TMEM232: variants seen among roughly 807,000 people sequenced by gnomAD.
TMEM232 encodes transmembrane protein 232.
Under a neutral mutation model 78.8 loss-of-function variants are expected in TMEM232, and 80 were observed. The ratio of observed to expected loss-of-function variants is 1.01; its 90% CI spans 0.85 to 1.22. The LOEUF (loss-of-function observed/expected upper bound fraction) is 1.22, where lower values mean the gene tolerates loss of function less well. TMEM232 is among the 50% of genes most tolerant of loss of function. The probability of loss-of-function intolerance (pLI) is 0.00; values close to 1 mark genes in which losing one functional copy is unlikely to be tolerated. For missense variants in TMEM232, 881 were observed against 742.2 expected, an observed-to-expected ratio of 1.19 and a Z score of -2.17; for synonymous variants, 297 against 254.3, an observed-to-expected ratio of 1.17 and a Z score of -1.60.
chr5:110,532,366 C>A (rs1161171587), intron 11 of TMEM232, among the ~76,000 whole-genome samples: 2 of 151,488 alleles, frequency 1.3e-5, no homozygotes, highest in Admixed American at 1.3e-4. Context: ...GGATGCCGAG[C>A]TTCAGGTAAC....
chr5:110,588,453 C>T (rs1031138505), intron 10 of TMEM232, among the ~76,000 whole-genome samples: 2 of 152,010 alleles, frequency 1.3e-5, no homozygotes, highest in Admixed American at 1.3e-4. Context: ...TAATTATAAG[C>T]CATATGGAAA....
intron 4 of TMEM232, among the ~76,000 whole-genome samples, chr5:110,640,114 T>C (rs1406548410): frequency 1.3e-5 from 2 of 152,178 alleles, no homozygotes; most frequent in Admixed American, 6.5e-5. Context: ...AACAGCCTCT[T>C]CTTGCTGGTA....
intron 2 of TMEM232, among the ~76,000 whole-genome samples, chr5:110,398,885 A>G (rs911578619): frequency 2.0e-5 from 3 of 152,100 alleles, no homozygotes; most frequent in African/African-American, 7.2e-5. Context: ...GATAGGGGGC[A>G]AGATGGTTCT....
At chr5:110,487,670 G>T (rs973266520) in intron 12 of TMEM232, among the ~76,000 whole-genome samples, 1 of 152,058 alleles carries the variant, frequency 6.6e-6, no homozygotes, top group African/African-American at 2.4e-5. Flanking sequence ...ACTTGATGAT[G>T]GTGGATTATC....
chr5:110,719,509 T>A (rs539606320), intron 1 of TMEM232, among the ~76,000 whole-genome samples: 5 of 152,164 alleles, frequency 3.3e-5, no homozygotes, highest in African/African-American at 1.2e-4. Flanking sequence ...CTCCTGTATA[T>A]GAGTCACACT....
At chr5:110,696,725 A>G (rs1049464342) in intron 1 of TMEM232, among the ~76,000 whole-genome samples, 3 of 152,184 alleles carry the variant, frequency 2.0e-5, no homozygotes, top group Non-Finnish European at 2.9e-5. Flanking sequence ...TAAAATACCT[A>G]GGAATCCAAC....
chr5:110,669,587 T>C (rs1344967957), intron 1 of TMEM232, among the ~76,000 whole-genome samples: 3 of 152,284 alleles, frequency 2.0e-5, no homozygotes, highest in South Asian at 2.1e-4. Flanking sequence ...TCTGAAACTA[T>C]TCAAATCAAT....
intron 1 of TMEM232, among the ~76,000 whole-genome samples, chr5:110,704,436 C>T (rs1795724896): frequency 6.6e-6 from 1 of 152,080 alleles, no homozygotes; most frequent in Non-Finnish European, 1.5e-5. Context: ...AAGTAGATGA[C>T]ATCTGAGTAA....
intron 8 of TMEM232, among the ~76,000 whole-genome samples, chr5:110,618,201 A>T (rs1391851703): frequency 6.6e-6 from 1 of 152,130 alleles, no homozygotes; most frequent in African/African-American, 2.4e-5. Context: ...AAAAAAAACT[A>T]TGCAGTGTAT....
intron 2 of TMEM232, among the ~76,000 whole-genome samples, chr5:110,665,669 G>A (rs1282611540): frequency 6.6e-6 from 1 of 152,020 alleles, no homozygotes; most frequent in Non-Finnish European, 1.5e-5. Flanking sequence ...TTTGACACAT[G>A]GGGATTATAA....
At chr5:110,492,310 G>A (rs1765194139) in intron 12 of TMEM232, among the ~76,000 whole-genome samples, 2 of 151,788 alleles carry the variant, frequency 1.3e-5, no homozygotes, top group Admixed American at 6.6e-5. Context: ...AATGCAAAAT[G>A]TAACAAAACA....
intron 5 of TMEM232, among the ~76,000 whole-genome samples, chr5:110,630,566 ACTCT>A (rs1297021597): frequency 2.0e-5 from 3 of 150,176 alleles, no homozygotes; most frequent in South Asian, 2.1e-4. Context: ...TTCCCCTTTC[ACTCT>A]CTCTCTCCTT....
At chr5:110,645,130 G>C (rs1282629494) in intron 2 of TMEM232, among the ~76,000 whole-genome samples, 2 of 151,500 alleles carry the variant, frequency 1.3e-5, no homozygotes, top group African/African-American at 4.8e-5. Context: ...GTGGTTTCAT[G>C]GTTGAATTCA....
chr5:110,556,289 C>G (rs927256112), intron 11 of TMEM232, among the ~76,000 whole-genome samples: 4 of 151,692 alleles, frequency 2.6e-5, no homozygotes, highest in Admixed American at 2.0e-4. Context: ...TTCCTTCCTT[C>G]CCTTCCTTCT....
chr5:110,421,363 A>G (rs920921100), intron 13 of TMEM232, among the ~76,000 whole-genome samples: 2 of 151,900 alleles, frequency 1.3e-5, no homozygotes, highest in Non-Finnish European at 2.9e-5. Context: ...GGCAAGAGCC[A>G]TAAGAATGAG....
At chr5:110,684,614 TA>T (rs1793165180) in intron 1 of TMEM232, among the ~76,000 whole-genome samples, 1 of 152,178 alleles carries the variant, frequency 6.6e-6, no homozygotes, top group African/African-American at 2.4e-5. Flanking sequence ...GAGTTCGAGT[TA>T]TTCTTTTTAA....
downstream of TMEM232, among the ~76,000 whole-genome samples, chr5:110,417,143 T>G (rs1310107176): frequency 6.6e-6 from 1 of 152,202 alleles, no homozygotes; most frequent in Non-Finnish European, 1.5e-5. Flanking sequence ...CTTGAGTTTA[T>G]TCTTTCAAAA....
intron 12 of TMEM232, among the ~76,000 whole-genome samples, chr5:110,520,986 C>T (rs1769417524): frequency 6.6e-6 from 1 of 151,954 alleles, no homozygotes; most frequent in Non-Finnish European, 1.5e-5. Flanking sequence ...GTAGGGCTCA[C>T]TGGGGATTGC....
At position 110,624,626 on chromosome 5, in the gene TMEM232, T is replaced by G. The variant is rs139485079; in HGVS notation, c.768+641A>C. Among the ~76,000 whole-genome samples the G allele has an allele frequency of 5.3e-5, 8 of 152,230 alleles. No homozygotes were observed. In the East Asian group the frequency reaches 1.5e-3, roughly 29 times the overall value. ...AGTAATTATAACCAGAAGGCTCAAT[T>G]TACTCAGTAAATGTCACTTGTTATA... On this transcript the variant is annotated intron_variant, in intron 7 of 13. Coordinates refer to ENST00000455884, the MANE Select transcript of TMEM232 (RefSeq NM_001039763.4).
Sources: gnomAD v4.1 joint callset for allele counts (sites outside exome capture counted in the v4.1 genomes callset) on GRCh38, gnomAD v4.1.1 for gene constraint, MANE v1.5 for transcripts, NCBI Gene and HGNC (gene_info 2026-07-23, HGNC 2026-07-21) for gene names.